SEC11A: variants seen among roughly 807,000 people sequenced by gnomAD.
The protein encoded by SEC11A is signal peptidase complex catalytic subunit SEC11A.
Under a neutral mutation model 25.6 loss-of-function variants are expected in SEC11A, and 14 were observed. That is an observed-to-expected ratio of 0.55 (90% CI 0.36 to 0.85). SEC11A has a LOEUF of 0.85. Ranked by LOEUF, SEC11A falls within the 40% of genes least tolerant of loss-of-function variation. The probability of loss-of-function intolerance (pLI) is 0.01; values close to 1 mark genes in which losing one functional copy is unlikely to be tolerated. For synonymous variants in SEC11A, 83 were observed against 76.4 expected (o/e 1.09, Z -0.45); for missense variants, 153 against 222.9 (o/e 0.69, Z 2.00).
rs182477343 is a variant in SEC11A, at chr15:84,670,009, G to C, written c.*10C>G. ...TATGGCATCTTCCCAGGAACAGCAAGGCAGGCTTCTTACTCACGATGAACC... is the reference window on the plus strand; with the variant it reads ...TATGGCATCTTCCCAGGAACAGCAACGCAGGCTTCTTACTCACGATGAACC... On this transcript the variant is annotated 3_prime_UTR_variant, in exon 6 of 6. Transcript: ENST00000268220. 1.9e-5 allele frequency: 31 copies of C among 1,613,510 alleles called. No homozygotes were observed. The highest frequency in any genetic ancestry group is 1.7e-4 in the Admixed American group (10 of 59,988).
intron 1 of SEC11A, among the ~76,000 whole-genome samples, chr15:84,713,111 G>A (rs1485308502): frequency 1.3e-5 from 2 of 151,136 alleles, no homozygotes; most frequent in Admixed American, 6.6e-5. Flanking sequence ...GGAGAATGGC[G>A]TGAACCTGGG....
intron 1 of SEC11A, among the ~76,000 whole-genome samples, chr15:84,715,790 G>C (rs1021181834): frequency 1.3e-5 from 2 of 152,202 alleles, no homozygotes; most frequent in Non-Finnish European, 2.9e-5. Flanking sequence ...GGGAGGAATG[G>C]AACGTGAAGA....
At chr15:84,681,404 CG>C (rs1432433385) in intron 3 of SEC11A, among the ~76,000 whole-genome samples, 1 of 151,936 alleles carries the variant, frequency 6.6e-6, no homozygotes, top group Non-Finnish European at 1.5e-5. Context: ...CCAAGGTGGG[CG>C]GATCACCTGA....
chr15:84,698,837 C>T (rs1265187197), intron 1 of SEC11A, among the ~76,000 whole-genome samples: 1 of 152,004 alleles, frequency 6.6e-6, no homozygotes, highest in Non-Finnish European at 1.5e-5. Context: ...GATGTTCAAC[C>T]GGTAAAATGC....
chr15:84,679,108 C>A, intron 4 of SEC11A: 2 of 294,960 alleles, frequency 6.8e-6, no homozygotes, highest in South Asian at 3.4e-5. Context: ...AAAAAGGAGA[C>A]AAGAAGTGAC....
At chr15:84,700,593 C>CAAAAAAAAAAAAAAAAAAAAAA (rs776113920) in intron 1 of SEC11A, among the ~76,000 whole-genome samples, 1 of 36,094 alleles carries the variant, frequency 2.8e-5, no homozygotes, top group Non-Finnish European at 4.4e-5. Context: ...GACTCTGTCT[C>CAAAAAAAAAAAAAAAAAAAAAA]AAAAAAAAAA....
chr15:84,698,080 T>C (rs1042421223), intron 1 of SEC11A, among the ~76,000 whole-genome samples: 2 of 152,052 alleles, frequency 1.3e-5, no homozygotes, highest in Admixed American at 6.6e-5. Context: ...ACAAGACAAT[T>C]TATAATCCAC....
chr15:84,712,696 C>T (rs972178279), intron 1 of SEC11A, among the ~76,000 whole-genome samples: 43 of 151,960 alleles, frequency 2.8e-4, no homozygotes, highest in Non-Finnish European at 3.5e-4. Flanking sequence ...AATCCACCTG[C>T]TCGGCCTCCC....
chr15:84,672,126 A>G (rs928662664), intron 4 of SEC11A: 2 of 151,438 alleles, frequency 1.3e-5, no homozygotes, highest in Non-Finnish European at 2.9e-5. Context: ...ATTACCTCCC[A>G]CATAATATCT....
At chr15:84,700,984 CAAAA>C (rs57015135) in intron 1 of SEC11A, among the ~76,000 whole-genome samples, 2 of 78,024 alleles carry the variant, frequency 2.6e-5, no homozygotes, top group African/African-American at 1.1e-4. Context: ...AACTCCATAT[CAAAA>C]AAAAAAAAAA....
At chr15:84,707,903 C>A (rs1304908827) in intron 1 of SEC11A, among the ~76,000 whole-genome samples, 1 of 152,094 alleles carries the variant, frequency 6.6e-6, no homozygotes, top group Non-Finnish European at 1.5e-5. Flanking sequence ...AGAATAATTT[C>A]TGGCTGTTCA....
At chr15:84,673,957 G>C (rs940428405) in intron 4 of SEC11A, 1 of 151,960 alleles carries the variant, frequency 6.6e-6, no homozygotes, top group African/African-American at 2.4e-5. Context: ...GCAGATTCTT[G>C]TATCTTTCCC....
intron 2 of SEC11A, 112 bp from the exon 3 acceptor site, chr15:84,687,886 C>A (rs1173296799): frequency 7.2e-6 from 6 of 833,292 alleles, no homozygotes; most frequent in African/African-American, 1.8e-5. Context: ...ATACTCAATA[C>A]CCTAACAACT....
chr15:84,676,996 T>G (rs1303633737), intron 4 of SEC11A, among the ~76,000 whole-genome samples: 1 of 150,852 alleles, frequency 6.6e-6, no homozygotes, highest in African/African-American at 2.4e-5. Context: ...AAGGCTGAGG[T>G]GGGAGGATTG....
At chr15:84,702,398 G>T (rs1180284954) in intron 1 of SEC11A, among the ~76,000 whole-genome samples, 2 of 150,756 alleles carry the variant, frequency 1.3e-5, no homozygotes, top group Non-Finnish European at 2.9e-5. Context: ...GAGGCTCACT[G>T]CAACAGTGAG....
At chr15:84,703,375 G>C (rs1898005046) in intron 1 of SEC11A, among the ~76,000 whole-genome samples, 1 of 152,164 alleles carries the variant, frequency 6.6e-6, no homozygotes, top group Non-Finnish European at 1.5e-5. Flanking sequence ...GAAGACACAA[G>C]TAAATATGAG....
intron 1 of SEC11A, among the ~76,000 whole-genome samples, chr15:84,713,913 C>G (rs1259301149): frequency 1.3e-5 from 2 of 151,850 alleles, no homozygotes; most frequent in African/African-American, 2.4e-5. Flanking sequence ...TGGAACCTCT[C>G]AAAATTTTCC....
intron 5 of SEC11A, chr15:84,670,338 G>A: frequency 3.3e-6 from 1 of 302,564 alleles, no homozygotes; most frequent in South Asian, 4.1e-5. Flanking sequence ...TCATATTCAA[G>A]CAATTCTCGT....
chr15:84,708,546 G>A (rs144418033), intron 1 of SEC11A, among the ~76,000 whole-genome samples: 4 of 151,626 alleles, frequency 2.6e-5, no homozygotes, highest in Admixed American at 2.6e-4. Flanking sequence ...GCGACAACTC[G>A]TTTAAAAAAA....
Sources: allele counts gnomAD v4.1 joint callset (sites outside exome capture counted in the v4.1 genomes callset), GRCh38; gene constraint gnomAD v4.1.1; transcripts MANE v1.5; gene names NCBI Gene and HGNC (gene_info 2026-07-23, HGNC 2026-07-21).